TAF1: variants seen among roughly 807,000 people sequenced by gnomAD.
TAF1 encodes the protein TATA-box binding protein associated factor 1, also known as transcription initiation factor TFIID subunit 1.
Under a neutral mutation model 138.5 loss-of-function variants are expected in TAF1, and 2 were observed. That is an observed-to-expected ratio of 0.01 (90% CI 0.01 to 0.05). The LOEUF (loss-of-function observed/expected upper bound fraction) is 0.05, where lower values mean the gene tolerates loss of function less well. TAF1 is among the 10% of genes least tolerant of loss of function. The pLI is 1.00. For synonymous variants in TAF1, 437 were observed against 503.2 expected (o/e 0.87, Z 1.76); for missense variants, 709 against 1,478.0 (o/e 0.48, Z 8.53).
At position 71,525,121 on chromosome X, in the gene TAF1, A is replaced by T. The variant is rs371970466; in HGVS notation, c.1367-3421A>T. Among the ~76,000 whole-genome samples the T allele has an allele frequency of 2.4e-3, 261 of 109,108 alleles. 2 individuals carry two copies. Among genetic ancestry groups the T allele is most frequent in the African/African-American group, 8.0e-3 (240 of 29,997 alleles). The allele number at this position is 109,108 out of a possible 115,157, so 94.7% of individuals were successfully genotyped here. On this transcript the variant is annotated intron_variant and NMD_transcript_variant, in intron 13 of 14. Coordinates refer to the TAF1 transcript ENST00000373775. ...CAGTGGTGTGATCTTGGCTCACTGCAACCTCCACCTCCCAGGTTCAAGCAA... is the reference window on the plus strand; with the variant it reads ...CAGTGGTGTGATCTTGGCTCACTGCTACCTCCACCTCCCAGGTTCAAGCAA...
Position 71,378,962 on chromosome X carries a change from C to T in TAF1, c.1291C>T (p.Arg431Cys). ...DVKHKGTKPQ[R>C]ASLAGWLPSS... ...CAAACACAAAGGGACAAAACCTCAG[C>T]GTGCAAGCCTGGCAGGCTGGCTTCC... is the stretch of plus-strand genomic sequence containing the variant. The change falls in exon 8 of 38, where the codon CGT becomes TGT. Residue 431 changes from arginine (R) to cysteine (C), a missense_variant. Arg to Cys is a radical substitution (Grantham distance 180). This residue lies in a region of TAF1 where 201 missense variants were observed against 421.3 expected (regional missense o/e 0.48). Coordinates refer to ENST00000423759, the MANE Select transcript of TAF1 (RefSeq NM_004606.5). 1 of 1,211,233 alleles carries T rather than the reference C, an allele frequency of 8.3e-7. No homozygotes were observed. Among genetic ancestry groups the T allele is most frequent in the Non-Finnish European group, 1.1e-6 (1 of 895,472 alleles).
At chrX:71,467,147 T>C (rs1171945273), downstream of TAF1, among the ~76,000 whole-genome samples, 1 of 102,895 alleles carries the variant, frequency 9.7e-6, no homozygotes, top group Non-Finnish European at 2.0e-5. Flanking sequence ...GAGAGGGGGA[T>C]GTGGCAGGGT....
At chrX:71,419,934 T>TC (rs1195967974) in intron 28 of TAF1, 5 of 214,793 alleles carry the variant, frequency 2.3e-5, no homozygotes, top group Non-Finnish European at 4.2e-5. Context: ...TATGGGATTC[T>TC]CCCCCCCTTC....
Position 71,448,944 on chromosome X carries a change from G to A in TAF1, c.4754-5226G>A, listed in dbSNP as rs764958338. On this transcript the variant is annotated intron_variant, in intron 32 of 37. Coordinates refer to ENST00000423759, the MANE Select transcript of TAF1 (RefSeq NM_004606.5). ...AGTGATTCTCCTGCCTCAGCCTCCCGAGTAGCTGGGACTACAGGCATGTGC... is the reference window on the plus strand; with the variant it reads ...AGTGATTCTCCTGCCTCAGCCTCCCAAGTAGCTGGGACTACAGGCATGTGC... Among the ~76,000 whole-genome samples, 7 of 107,926 alleles carry A rather than the reference G, an allele frequency of 6.5e-5. No individual in the cohort carries two copies. The South Asian group carries it at 2.8e-3, about 44-fold the overall frequency. The allele number at this position is 107,926 out of a possible 115,157, so 93.7% of individuals were successfully genotyped here.
chrX:71,376,826 T>G, intron 4 of TAF1, 124 bp from the exon 5 acceptor site: 1 of 973,056 alleles, frequency 1.0e-6, no homozygotes, highest in Non-Finnish European at 1.4e-6. Context: ...GTATTATGAT[T>G]TGGGTGCTTG....
intron 37 of TAF1, among the ~76,000 whole-genome samples, chrX:71,462,293 TC>T (rs1249708904): frequency 2.7e-5 from 3 of 110,612 alleles, no homozygotes; most frequent in Non-Finnish European, 3.8e-5. Context: ...AAAAATAACT[TC>T]CAGCCGGGCG....
At chrX:71,443,869 C>G (rs752950549) in intron 32 of TAF1, among the ~76,000 whole-genome samples, 1 of 111,378 alleles carries the variant, frequency 9.0e-6, no homozygotes, top group Admixed American at 9.6e-5. Flanking sequence ...CCCCAATGCC[C>G]GGCTAATTTT....
intron 13 of TAF1, among the ~76,000 whole-genome samples, chrX:71,511,146 T>G (rs1366332195): frequency 2.7e-5 from 3 of 111,867 alleles, no homozygotes; most frequent in African/African-American, 9.7e-5. Context: ...CCACTTGGGC[T>G]ACAGGAATAT....
chrX:71,430,014 C>G (rs921342298), intron 32 of TAF1, among the ~76,000 whole-genome samples: 5 of 111,727 alleles, frequency 4.5e-5, no homozygotes, highest in Non-Finnish European at 9.4e-5. Flanking sequence ...TACAAATGTT[C>G]TTTGCAGCAT....
At chrX:71,394,857 G>A (rs1434859863) in intron 22 of TAF1, among the ~76,000 whole-genome samples, 2 of 110,725 alleles carry the variant, frequency 1.8e-5, no homozygotes, top group Admixed American at 9.6e-5. Context: ...CTATAGGTGC[G>A]TGCCACCATG....
At chrX:71,460,534 G>GCA in intron 36 of TAF1, 92 bp from the exon 37 acceptor site, 1 of 1,039,936 alleles carries the variant, frequency 9.6e-7, no homozygotes, top group Non-Finnish European at 1.3e-6. Context: ...GTAGATGTGT[G>GCA]AGAGTTACTA....
At chrX:71,401,207 G>A (rs967943059) in intron 24 of TAF1, among the ~76,000 whole-genome samples, 3 of 111,501 alleles carry the variant, frequency 2.7e-5, no homozygotes, top group Non-Finnish European at 5.6e-5. Context: ...GTTGATCAGT[G>A]CATAACAATT....
chrX:71,398,450 C>G, intron 23 of TAF1, 122 bp from the exon 24 acceptor site: 1 of 962,754 alleles, frequency 1.0e-6, no homozygotes, highest in Non-Finnish European at 1.4e-6. Context: ...CATGTAGCCC[C>G]TTTTATCTTA....
intron 32 of TAF1, among the ~76,000 whole-genome samples, chrX:71,452,491 C>T (rs1385816414): frequency 9.1e-6 from 1 of 109,855 alleles, no homozygotes; most frequent in East Asian, 2.9e-4. Context: ...CTCCTCACTT[C>T]CTAGATGGGA....
chrX:71,498,910 G>C (rs2039444906), intron 13 of TAF1, among the ~76,000 whole-genome samples: 1 of 111,657 alleles, frequency 9.0e-6, no homozygotes, highest in Admixed American at 9.5e-5. Flanking sequence ...AGCTGTCTGG[G>C]ACAGGAGATT....
chrX:71,477,392 T>C (rs1255766848), intron 13 of TAF1, among the ~76,000 whole-genome samples: 1 of 110,417 alleles, frequency 9.1e-6, no homozygotes, highest in Non-Finnish European at 1.9e-5. Flanking sequence ...CTGGGCCCAA[T>C]TGATCCTCCC....
chrX:71,407,528 T>C (rs78058922), intron 26 of TAF1, 46 bp from the exon 27 acceptor site: 2 of 1,094,184 alleles, frequency 1.8e-6, no homozygotes, highest in African/African-American at 1.8e-5. Context: ...AGAATGTGGA[T>C]TTTTTTTGGT....
intron 28 of TAF1, among the ~76,000 whole-genome samples, chrX:71,417,540 T>C (rs1371880983): frequency 9.1e-6 from 1 of 109,929 alleles, no homozygotes; most frequent in East Asian, 2.8e-4. Flanking sequence ...TATTTTTTTT[T>C]TCTTGTAGAG....
At chrX:71,479,496 C>T (rs1039898265) in intron 13 of TAF1, among the ~76,000 whole-genome samples, 1 of 111,032 alleles carries the variant, frequency 9.0e-6, no homozygotes, top group African/African-American at 3.3e-5. Context: ...CTCTTGAACC[C>T]GGGAGGTGGA....
Sources: gnomAD v4.1 joint callset for allele counts (sites outside exome capture counted in the v4.1 genomes callset) on GRCh38, gnomAD v4.1.1 for gene constraint, gnomAD v4.1.1 regional missense constraint, MANE v1.5 for transcripts, NCBI Gene and HGNC (gene_info 2026-07-23, HGNC 2026-07-21) for gene names.